The following MROH1 variants were observed in gnomAD, a reference collection of about 807,000 sequenced individuals.
The protein encoded by MROH1 is maestro heat like repeat family member 1, also known as maestro heat-like repeat-containing protein family member 1.
Under a neutral mutation model 116.5 loss-of-function variants are expected in MROH1, and 117 were observed. The ratio of observed to expected loss-of-function variants is 1.00; its 90% confidence interval spans 0.86 to 1.17. The LOEUF is 1.17. Ranked by LOEUF, MROH1 falls within the 50% of genes most tolerant of loss-of-function variation. The pLI, the probability that MROH1 is intolerant of heterozygous loss-of-function variation, is 0.00. For missense variants in MROH1, 1,873 were observed against 1,338.5 expected, an observed-to-expected ratio of 1.40 and a Z score of -6.23; for synonymous variants, 921 against 583.9, an observed-to-expected ratio of 1.58 and a Z score of -8.32.
chr8:144,198,442 A>G (rs1241937898), intron 10 of MROH1, among the ~76,000 whole-genome samples: 6 of 152,128 alleles, frequency 3.9e-5, no homozygotes, highest in South Asian at 2.1e-4. Flanking sequence ...TGTTTGAGAC[A>G]GGGTCTTGCT....
In MROH1 at chr8:144,244,244, G is replaced by C; in HGVS notation, c.2578G>C (p.Glu860Gln). 1 of 718,130 alleles carries C rather than the reference G, an allele frequency of 1.4e-6. No individual in the cohort carries two copies. Among genetic ancestry groups the C allele is most frequent in the South Asian group, 1.5e-5 (1 of 67,584 alleles). The allele number at this position is 718,130 out of a possible 1,614,324, so 44.5% of individuals were successfully genotyped here. Residue 860 changes from glutamate to glutamine, a missense_variant, in exon 27 of 44, where the codon GAG (glutamate) becomes CAG (glutamine). Transcript: ENST00000326134. The stretch of plus-strand genomic sequence containing the variant: ...CAGCTCCGTGGAGCCAGCGCTGGAC[G>C]AGCAGGCCCGGGCGGATGTGATCCA... Reference protein sequence around the residue: ...YLVSVEPALDEQARADVIHGC... With the variant: ...YLVSVEPALDQQARADVIHGC...
intron 7 of MROH1, among the ~76,000 whole-genome samples, chr8:144,187,641 C>T (rs1382453275): frequency 6.6e-6 from 1 of 152,206 alleles, no homozygotes; most frequent in Non-Finnish European, 1.5e-5. Flanking sequence ...CTCTGTGAAT[C>T]GATCATCACA....
At chr8:144,232,056 C>T (rs575853037) in intron 14 of MROH1, among the ~76,000 whole-genome samples, 214 of 152,268 alleles carry the variant, frequency 1.4e-3, no homozygotes, top group Non-Finnish European at 2.4e-3. Flanking sequence ...TCCTTTCTAG[C>T]GATTTGGAAA....
intron 1 of MROH1, among the ~76,000 whole-genome samples, chr8:144,158,445 G>T (rs1252456939): frequency 6.6e-6 from 1 of 152,166 alleles, no homozygotes; most frequent in East Asian, 1.9e-4. Flanking sequence ...TAAGGTAGAA[G>T]TTGAACTCAT....
At chr8:144,259,723 G>A (rs545161786) in intron 37 of MROH1, among the ~76,000 whole-genome samples, 188 bp from the exon 38 acceptor site, 90 of 152,346 alleles carry the variant, frequency 5.9e-4, no homozygotes, top group African/African-American at 2.0e-3. Context: ...AGAGCACAGC[G>A]GGCGTCAGAG....
At chr8:144,176,481 G>C (rs1587903672) in intron 4 of MROH1, among the ~76,000 whole-genome samples, 1 of 148,680 alleles carries the variant, frequency 6.7e-6, no homozygotes, top group Admixed American at 6.8e-5. Flanking sequence ...GGTGCAGTGA[G>C]TTATGATTGC....
rs952753607 is a variant in MROH1 at position 144,255,055 on chromosome 8, G to A, written c.3594+77G>A. On this transcript the variant is annotated intron_variant, in intron 34 of 43. Coordinates refer to ENST00000326134, the MANE Select transcript of MROH1 (RefSeq NM_032450.3). Reference sequence around the variant, plus strand: ...CTGGGTGCCCGGGGGCAGGCCTTTTGATGAGGTGGCCCGGACGCCACCCCA... The same window carrying A: ...CTGGGTGCCCGGGGGCAGGCCTTTTAATGAGGTGGCCCGGACGCCACCCCA... 1.6e-4 allele frequency: 109 copies of A among 678,164 alleles called. 1 individual carries two copies. Among genetic ancestry groups the A allele is most frequent in the Admixed American group, 1.5e-3 (70 of 46,910 alleles). 42.0% of individuals were successfully genotyped at this position (678,164 alleles called of 1,614,324 possible). A position where few individuals can be genotyped will look rare whatever the true frequency, so the allele number is the denominator to read the frequency against.
chr8:144,242,546 G>C, intron 23 of MROH1, 31 bp downstream of exon 23: 1 of 780,514 alleles, frequency 1.3e-6, no homozygotes, highest in South Asian at 1.3e-5. Flanking sequence ...GCCACGCAGG[G>C]GAGCTGGGGC....
intron 14 of MROH1, among the ~76,000 whole-genome samples, chr8:144,233,335 G>A (rs868940752): frequency 4.4e-5 from 6 of 137,492 alleles, no homozygotes; most frequent in African/African-American, 8.3e-5. Flanking sequence ...TCCCTCCCCC[G>A]CAGCTCCTGC....
chr8:144,180,977 C>T lies in MROH1; in HGVS notation c.562+454C>T, dbSNP rs7459900. The stretch of plus-strand genomic sequence containing the variant: ...CCTCTGTGTGCCTGGCAGGGGACTG[C>T]GGGCATGTCATGGGCCTGGACCTTG... On this transcript the variant is annotated intron_variant, in intron 7 of 43. Coordinates refer to ENST00000326134, the MANE Select transcript of MROH1 (RefSeq NM_032450.3). This position sits in a 1 kb window ranked among gnomAD's most constrained non-coding sequence, Gnocchi z 7.4. Among the ~76,000 whole-genome samples, 3,653 of 152,210 alleles carry T rather than the reference C, an allele frequency of 0.024. 70 individuals carry two copies. The highest frequency in any genetic ancestry group is 0.041 in the Admixed American group (629 of 15,294).
At chr8:144,241,693 G>T (rs1397743738) in intron 22 of MROH1, among the ~76,000 whole-genome samples, 176 bp downstream of exon 22, 1 of 152,236 alleles carries the variant, frequency 6.6e-6, no homozygotes, top group Non-Finnish European at 1.5e-5. Flanking sequence ...AGTGGGGAGG[G>T]CGGCAGAATG....
chr8:144,213,411 C>T (rs1588222715), intron 12 of MROH1: 1 of 286,928 alleles, frequency 3.5e-6, no homozygotes, highest in South Asian at 1.3e-4. Context: ...ATTCCATATT[C>T]TTCTGGCAGA....
Position 144,168,450 on chromosome 8 carries a change from C to A in MROH1, c.168+10C>A. 1 of 1,597,634 alleles carries A rather than the reference C, an allele frequency of 6.3e-7. No individual in the cohort carries two copies. Among genetic ancestry groups the A allele is most frequent in the South Asian group, 1.1e-5 (1 of 89,014 alleles). ...GCGGCAGCATGACAAGGTATGTGTGCTCCTTGGTGGGGATGATGTTGTCAG... is the reference window on the plus strand; with the variant it reads ...GCGGCAGCATGACAAGGTATGTGTGATCCTTGGTGGGGATGATGTTGTCAG... On this transcript the variant is annotated intron_variant, in intron 4 of 43. Transcript: ENST00000326134.
chr8:144,175,252 G>T (rs537368261), intron 4 of MROH1: 1 of 775,112 alleles, frequency 1.3e-6, no homozygotes, highest in East Asian at 1.3e-4. Flanking sequence ...GGGTCCGGTC[G>T]GATGGGTATA....
Position 144,163,009 on chromosome 8 carries a change from A to G in MROH1, c.-56-762A>G, listed in dbSNP as rs1423002979. On this transcript the variant is annotated intron_variant, in intron 2 of 43. Coordinates refer to ENST00000326134, the MANE Select transcript of MROH1 (RefSeq NM_032450.3). This position sits in a 1 kb window ranked among gnomAD's most constrained non-coding sequence, Gnocchi z 4.4. ...AAGTGCTGGATTACAGGCATGAGCC[A>G]TCGCTCTTGGCCAAGATTTCTATGA... 6.6e-6 allele frequency among the ~76,000 whole-genome samples: 1 copy of G among 152,250 alleles called. No homozygotes were observed.
chr8:144,148,909 TG>T (rs1816063703), intron 1 of MROH1: 1 of 152,310 alleles, frequency 6.6e-6, no homozygotes. Context: ...TACGGGGGTG[TG>T]GCCGAACTTA....
rs1038955854 is a variant in MROH1, at chr8:144,259,422, C to T, written c.4044+68C>T. On this transcript the variant is annotated intron_variant, in intron 37 of 43. Coordinates refer to ENST00000326134, the MANE Select transcript of MROH1 (RefSeq NM_032450.3). ...TCCTGCTCAGGACAGGCACGGGATG[C>T]CCTTTTCTTACCCCTAAAAGGCCCC... 100 of 711,576 alleles carry T rather than the reference C, an allele frequency of 1.4e-4. No homozygotes were observed. The African/African-American group carries it at 1.6e-3, about 12-fold the overall frequency. 44.1% of individuals were successfully genotyped at this position (711,576 alleles called of 1,614,324 possible).
intron 14 of MROH1, among the ~76,000 whole-genome samples, chr8:144,234,534 T>C (rs797023086): frequency 3.3e-5 from 4 of 120,888 alleles, no homozygotes; most frequent in African/African-American, 1.1e-4. Flanking sequence ...TTTTTTTTTT[T>C]CAAAAAGAGT....
At chr8:144,251,909 T>TA (rs1334337877) in intron 33 of MROH1, 2 of 187,314 alleles carry the variant, frequency 1.1e-5, no homozygotes, top group African/African-American at 4.8e-5. Flanking sequence ...GGCCTCTGCT[T>TA]AGCACAGCAG....
Sources: gnomAD v4.1 joint callset for allele counts (sites outside exome capture counted in the v4.1 genomes callset) on GRCh38, gnomAD v4.1.1 for gene constraint, Gnocchi (gnomAD v3.1) non-coding constraint, MANE v1.5 for transcripts, NCBI Gene and HGNC (gene_info 2026-07-23, HGNC 2026-07-21) for gene names.